The following SH3RF2 variants were observed in gnomAD, a reference collection of about 807,000 sequenced individuals.
SH3RF2 encodes SH3 domain containing ring finger 2, also known as E3 ubiquitin-protein ligase SH3RF2.
In SH3RF2, 43 loss-of-function variants were observed where a neutral mutation model predicts 59.0. That is an observed-to-expected ratio of 0.73 (90% CI 0.57 to 0.94). The LOEUF (loss-of-function observed/expected upper bound fraction) is 0.94. SH3RF2 is among the 40% of genes least tolerant of loss of function. The pLI, the probability that SH3RF2 is intolerant of heterozygous loss-of-function variation, is 0.00. For missense variants in SH3RF2, 930 were observed against 940.1 expected, an observed-to-expected ratio of 0.99 and a Z score of 0.14; for synonymous variants, 391 against 391.5, an observed-to-expected ratio of 1.00 and a Z score of 0.01.
intron 5 of SH3RF2, among the ~76,000 whole-genome samples, chr5:146,046,551 T>G (rs917348552): frequency 7.2e-5 from 11 of 152,172 alleles, no homozygotes. Flanking sequence ...GGAAGACCTT[T>G]TCATTCATTC....
chr5:146,007,838 A>G (rs1295800027), intron 4 of SH3RF2, among the ~76,000 whole-genome samples: 1 of 152,238 alleles, frequency 6.6e-6, no homozygotes, highest in Non-Finnish European at 1.5e-5. Flanking sequence ...CCTGATTTTC[A>G]AAAATTACCT....
chr5:145,982,875 G>A (rs186643752), intron 2 of SH3RF2, among the ~76,000 whole-genome samples: 1 of 152,294 alleles, frequency 6.6e-6, no homozygotes, highest in African/African-American at 2.4e-5. Context: ...GCAGGAGAGG[G>A]AGAGGGTGGA....
intron 2 of SH3RF2, 151 bp from the exon 3 acceptor site, chr5:145,999,907 A>G (rs1434325928): frequency 2.5e-6 from 2 of 800,164 alleles, no homozygotes; most frequent in African/African-American, 1.8e-5. Context: ...AGACCTATTT[A>G]ACACAGGTTG....
At chr5:146,075,199 A>G (rs749163321) in intron 9 of SH3RF2, among the ~76,000 whole-genome samples, 2 of 152,198 alleles carry the variant, frequency 1.3e-5, no homozygotes, top group Non-Finnish European at 2.9e-5. Flanking sequence ...ATAATTATGA[A>G]GCAGGATCAC....
Position 145,989,852 on chromosome 5 carries a change from C to T in SH3RF2, c.379-10206C>T, listed in dbSNP as rs535066853. ...TGGTTGATTCTACTCCACTTACATTCCTTTTCTTTTACCCTGTTATCAGCC... is the reference window on the plus strand; with the variant it reads ...TGGTTGATTCTACTCCACTTACATTTCTTTTCTTTTACCCTGTTATCAGCC... On this transcript the variant is annotated intron_variant, in intron 2 of 9. Transcript: ENST00000359120. Among the ~76,000 whole-genome samples, 6 of 152,274 alleles carry T rather than the reference C, an allele frequency of 3.9e-5. No individual in the cohort carries two copies. In the East Asian group the frequency reaches 1.2e-3, roughly 29 times the overall value.
chr5:146,000,302 A>G lies in SH3RF2; in HGVS notation c.623A>G (p.Asn208Ser). The G allele has an allele frequency of 1.9e-6, 3 of 1,613,358 alleles. No individual in the cohort carries two copies. The highest frequency in any genetic ancestry group is 2.5e-6 in the Non-Finnish European group (3 of 1,179,748). ...FDLRGKDKSE[N>S]QDCLTFLKDD... is the part of the protein sequence containing the mutation. ...CTACGAGGCAAGGACAAGAGTGAGA[A>G]CCAGGATTGCCTGACCTTCCTCAAG... Residue 208 changes from asparagine to serine, a missense_variant, in exon 3 of 10, where the codon AAC becomes AGC. By Grantham distance (46) the Asn-to-Ser change is conservative. Transcript: ENST00000359120.
chr5:145,994,177 A>G (rs1182040408), intron 2 of SH3RF2, among the ~76,000 whole-genome samples: 1 of 152,190 alleles, frequency 6.6e-6, no homozygotes, highest in Non-Finnish European at 1.5e-5. Context: ...CAAGTTTCTC[A>G]TCTCCATCTG....
downstream of SH3RF2, among the ~76,000 whole-genome samples, chr5:146,066,224 G>A (rs1374529921): frequency 6.6e-6 from 1 of 152,226 alleles, no homozygotes; most frequent in Non-Finnish European, 1.5e-5. Context: ...GGACTGCCAG[G>A]AGGCAGCAGA....
intron 5 of SH3RF2, among the ~76,000 whole-genome samples, chr5:146,033,707 T>C (rs1761825502): frequency 6.6e-6 from 1 of 151,950 alleles, no homozygotes. Flanking sequence ...CGATCTCAGG[T>C]GATCTGCCCA....
At chr5:145,955,424 G>T (rs918514336) in intron 2 of SH3RF2, among the ~76,000 whole-genome samples, 15 of 152,258 alleles carry the variant, frequency 9.9e-5, no homozygotes, top group Non-Finnish European at 1.9e-4. Context: ...AAAAGAGGGG[G>T]ATAAGGATTG....
At chr5:145,974,940 A>T (rs1396764383) in intron 2 of SH3RF2, among the ~76,000 whole-genome samples, 1 of 152,248 alleles carries the variant, frequency 6.6e-6, no homozygotes, top group African/African-American at 2.4e-5. Flanking sequence ...AATTAAAAAA[A>T]TAGAATCTAG....
chr5:145,973,973 G>T (rs1759187022), intron 2 of SH3RF2, among the ~76,000 whole-genome samples: 1 of 152,240 alleles, frequency 6.6e-6, no homozygotes, highest in African/African-American at 2.4e-5. Context: ...CACAGGTTCT[G>T]TGGGTCAGGA....
chr5:145,943,650 G>A (rs1757902469), intron 2 of SH3RF2, among the ~76,000 whole-genome samples: 1 of 152,132 alleles, frequency 6.6e-6, no homozygotes, highest in South Asian at 2.1e-4. Context: ...CCTGCAGTGG[G>A]TTCCTCCGTG....
At chr5:146,059,697 T>TA (rs1024207463) in intron 8 of SH3RF2, among the ~76,000 whole-genome samples, 169 bp from the exon 9 acceptor site, 1 of 151,994 alleles carries the variant, frequency 6.6e-6, no homozygotes, top group African/African-American at 2.4e-5. Flanking sequence ...CAAACAGCAC[T>TA]AAAAAAAGAA....
rs575306343 is a variant in SH3RF2 at position 146,011,399 on chromosome 5, T to A, written c.745-2348T>A. On this transcript the variant is annotated intron_variant, in intron 4 of 9. Transcript: ENST00000359120. Reference sequence around the variant, plus strand: ...GTTCCATATGAACTTTACAGTAGTTTTTAAAAATTCTGTGAAGAAAGTCAT... The same window carrying A: ...GTTCCATATGAACTTTACAGTAGTTATTAAAAATTCTGTGAAGAAAGTCAT... Among the ~76,000 whole-genome samples the A allele has an allele frequency of 2.6e-3, 399 of 152,330 alleles. 5 individuals are homozygous for A. The highest frequency in any genetic ancestry group is 9.3e-3 in the African/African-American group (388 of 41,568).
intron 5 of SH3RF2, among the ~76,000 whole-genome samples, chr5:146,029,440 C>T (rs774397033): frequency 6.6e-6 from 1 of 152,262 alleles, no homozygotes; most frequent in African/African-American, 2.4e-5. Flanking sequence ...ATGTCTGTTG[C>T]GGGCCCAGGA....
intron 2 of SH3RF2, among the ~76,000 whole-genome samples, chr5:145,945,688 T>G (rs1256983264): frequency 6.6e-6 from 1 of 151,894 alleles, no homozygotes; most frequent in Non-Finnish European, 1.5e-5. Flanking sequence ...AGGAAACAGA[T>G]AGAGGAGAGG....
At chr5:146,048,132 G>A (rs1056079901) in intron 6 of SH3RF2, among the ~76,000 whole-genome samples, 1 of 152,036 alleles carries the variant, frequency 6.6e-6, no homozygotes, top group Admixed American at 6.6e-5. Context: ...GAGCAACATA[G>A]TGAGACCTCA....
At chr5:146,004,580 C>T (rs943560673) in intron 4 of SH3RF2, among the ~76,000 whole-genome samples, 1 of 151,818 alleles carries the variant, frequency 6.6e-6, no homozygotes, top group Admixed American at 6.6e-5. Context: ...AAATATTCAA[C>T]AATAAGGAGT....
Sources: allele counts gnomAD v4.1 joint callset (sites outside exome capture counted in the v4.1 genomes callset), GRCh38; gene constraint gnomAD v4.1.1; transcripts MANE v1.5; gene names NCBI Gene and HGNC (gene_info 2026-07-23, HGNC 2026-07-21).